The following ADCY1 variants were observed in gnomAD, a reference collection of about 807,000 sequenced individuals.
ADCY1 encodes adenylate cyclase 1, also known as adenylate cyclase type 1.
In ADCY1, 28 loss-of-function variants were observed where a neutral mutation model predicts 105.4. The ratio of observed to expected loss-of-function variants is 0.27; its 90% CI spans 0.20 to 0.36. The LOEUF (loss-of-function observed/expected upper bound fraction) is 0.36. ADCY1 is among the 10% of genes least tolerant of loss of function. ADCY1 has a pLI of 1.00. For synonymous variants in ADCY1, 655 were observed against 623.8 expected (o/e 1.05, Z -0.75); for missense variants, 977 against 1,434.2 (o/e 0.68, Z 5.15).
chr7:45,658,252 G>A (rs1794992039), intron 6 of ADCY1, among the ~76,000 whole-genome samples: 1 of 152,234 alleles, frequency 6.6e-6, no homozygotes, highest in Non-Finnish European at 1.5e-5. Flanking sequence ...TTTTCTCAAT[G>A]TGCAAATGGA....
intron 2 of ADCY1, among the ~76,000 whole-genome samples, chr7:45,602,212 G>C (rs1168772800): frequency 6.6e-6 from 1 of 151,686 alleles, no homozygotes; most frequent in Non-Finnish European, 1.5e-5. Flanking sequence ...ATATGGGCTG[G>C]AAGTGCAGCT....
At chr7:45,626,566 G>A (rs548161859) in intron 4 of ADCY1, among the ~76,000 whole-genome samples, 30 of 152,290 alleles carry the variant, frequency 2.0e-4, no homozygotes, top group Non-Finnish European at 3.5e-4. Flanking sequence ...AGAGCTCCAC[G>A]TGCCCACGAG....
In ADCY1 at chr7:45,697,665, C is replaced by T. The variant is rs146379649; in HGVS notation, c.2455-5711C>T. 7.4e-4 allele frequency among the ~76,000 whole-genome samples: 112 copies of T among 152,348 alleles called. 2 individuals carry two copies. The East Asian group carries it at 0.017, about 23-fold the overall frequency. On this transcript the variant is annotated intron_variant, in intron 14 of 19. Coordinates refer to ENST00000297323, the MANE Select transcript of ADCY1 (RefSeq NM_021116.4). ...TCAGCTTCCTAAAGTGCTGGGATTA[C>T]AGGCGTAAGCCACTGCGCCCAGCCC...
chr7:45,704,732 C>T (rs761735313), intron 17 of ADCY1, 116 bp downstream of exon 17: 119 of 782,828 alleles, frequency 1.5e-4, no homozygotes, highest in Non-Finnish European at 2.4e-4. Context: ...TGTTGGATTA[C>T]AGGAGCAGCT....
rs1327312807 is a variant in ADCY1 at position 45,719,718 on chromosome 7, T to G, written c.*5723T>G. On this transcript the variant is annotated 3_prime_UTR_variant, in exon 20 of 20. Coordinates refer to ENST00000297323, the MANE Select transcript of ADCY1 (RefSeq NM_021116.4). ...TAGCATAAGCCAAATGAAAATCATT[T>G]GTTCATGGGATTCATATGAGGAACA... is the stretch of plus-strand genomic sequence containing the variant. 3 of 152,228 alleles carry G rather than the reference T, an allele frequency of 2.0e-5. No individual in the cohort carries two copies. The highest frequency in any genetic ancestry group is 4.4e-5 in the Non-Finnish European group (3 of 68,048). The allele number at this position is 152,228 out of a possible 1,614,324, so 9.4% of individuals were successfully genotyped here. A position where few individuals can be genotyped will look rare whatever the true frequency, so the allele number is the denominator to read the frequency against.
At position 45,592,772 on chromosome 7, in the gene ADCY1, C is replaced by G; in HGVS notation, c.653C>G (p.Ala218Gly). ...PRLWRTLGAN[A>G]LLFVGVNMYG... ...CTCTCCCTGCAGCTCGGTGCCAATG[C>G]CTTGCTCTTCGTCGGTGTGAACATG... The change falls in exon 2 of 20, where the codon GCC (alanine) becomes GGC (glycine). Residue 218 changes from alanine to glycine, a missense_variant. Around this residue, in one of 7 missense-constraint regions of ADCY1, gnomAD observed 196 missense variants for 347.8 expected, o/e 0.56. Coordinates refer to ENST00000297323, the MANE Select transcript of ADCY1 (RefSeq NM_021116.4). 6.2e-7 allele frequency: 1 copy of G among 1,614,210 alleles called. No homozygotes were observed. The highest frequency in any genetic ancestry group is 1.1e-5 in the South Asian group (1 of 91,086).
intron 1 of ADCY1, among the ~76,000 whole-genome samples, chr7:45,584,779 C>T (rs967755025): frequency 6.6e-6 from 1 of 152,228 alleles, no homozygotes; most frequent in Admixed American, 6.5e-5. Context: ...GAGGGCTTCT[C>T]TCCCAGCCTG....
intron 8 of ADCY1, among the ~76,000 whole-genome samples, chr7:45,664,933 C>T (rs548819698): frequency 4.6e-5 from 7 of 152,192 alleles, no homozygotes; most frequent in African/African-American, 1.7e-4. Context: ...CTTCCCTTTC[C>T]TCCCACCCGC....
At chr7:45,655,002 T>A (rs1355194721) in intron 5 of ADCY1, among the ~76,000 whole-genome samples, 2 of 152,190 alleles carry the variant, frequency 1.3e-5, no homozygotes, top group Non-Finnish European at 1.5e-5. Flanking sequence ...GTGTTGTTGT[T>A]ATTTCTAGAA....
At chr7:45,684,508 G>A (rs1350331808) in intron 11 of ADCY1, 4 of 152,288 alleles carry the variant, frequency 2.6e-5, no homozygotes, top group Admixed American at 1.3e-4. Context: ...ACTTTTTGAA[G>A]ATTTCAAAAT....
intron 4 of ADCY1, among the ~76,000 whole-genome samples, chr7:45,640,041 G>A (rs553660939): frequency 6.6e-6 from 1 of 152,162 alleles, no homozygotes; most frequent in Non-Finnish European, 1.5e-5. Flanking sequence ...TGCTTTAAGG[G>A]AATATAAGAC....
chr7:45,625,157 G>C (rs186037282), intron 4 of ADCY1, among the ~76,000 whole-genome samples: 3 of 152,322 alleles, frequency 2.0e-5, no homozygotes, highest in South Asian at 4.1e-4. Flanking sequence ...CTTGGCTTCT[G>C]CTGTTCCTTT....
chr7:45,596,920 T>A (rs1034805948), intron 2 of ADCY1, among the ~76,000 whole-genome samples: 1 of 152,128 alleles, frequency 6.6e-6, no homozygotes, highest in African/African-American at 2.4e-5. Flanking sequence ...GCAGACACAC[T>A]GGGGAGTTTG....
intron 11 of ADCY1, among the ~76,000 whole-genome samples, chr7:45,680,110 G>T (rs74376359): frequency 6.6e-6 from 1 of 152,222 alleles, no homozygotes; most frequent in Non-Finnish European, 1.5e-5. Context: ...ACCCAGTTCT[G>T]CACTGGGCAC....
chr7:45,669,448 G>C (rs1229600892), intron 8 of ADCY1, among the ~76,000 whole-genome samples: 1 of 152,180 alleles, frequency 6.6e-6, no homozygotes, highest in Non-Finnish European at 1.5e-5. Context: ...TTTTAAGTGA[G>C]TTTCTTAATC....
chr7:45,712,317 C>G (rs1785276752), intron 19 of ADCY1, among the ~76,000 whole-genome samples: 1 of 150,510 alleles, frequency 6.6e-6, no homozygotes, highest in Admixed American at 6.6e-5. Context: ...CAGGATTCCC[C>G]CAAAACTGGA....
intron 8 of ADCY1, among the ~76,000 whole-genome samples, chr7:45,670,456 A>G (rs541247247): frequency 1.1e-4 from 17 of 152,208 alleles, no homozygotes; most frequent in African/African-American, 3.9e-4. Flanking sequence ...ACCAATGTCT[A>G]TTACTCCTGA....
At chr7:45,664,921 C>T (rs1007497095) in intron 8 of ADCY1, among the ~76,000 whole-genome samples, 1 of 152,134 alleles carries the variant, frequency 6.6e-6, no homozygotes, top group Non-Finnish European at 1.5e-5. Flanking sequence ...CTAATGCTCT[C>T]TCTTCCCTTT....
At chr7:45,616,897 C>G (rs910160490) in intron 3 of ADCY1, among the ~76,000 whole-genome samples, 1 of 152,210 alleles carries the variant, frequency 6.6e-6, no homozygotes, top group Admixed American at 6.5e-5. Flanking sequence ...GGAAAACAGG[C>G]AACCCACAGG....
Sources: allele counts gnomAD v4.1 joint callset (sites outside exome capture counted in the v4.1 genomes callset), GRCh38; gene constraint gnomAD v4.1.1; regional missense constraint gnomAD v4.1.1; transcripts MANE v1.5; gene names NCBI Gene and HGNC (gene_info 2026-07-23, HGNC 2026-07-21).